Variants in IQSEC1 observed in about 807,000 individuals in gnomAD.
IQSEC1 encodes the protein IQ motif and SEC7 domain-containing protein 1.
IQSEC1 carries 31 observed loss-of-function variants against 91.0 expected under a neutral mutation model. The ratio of observed to expected loss-of-function variants is 0.34; its 90% CI spans 0.26 to 0.46. The LOEUF is 0.46. IQSEC1 is among the 20% of genes least tolerant of loss of function. IQSEC1 has a pLI of 1.00. For missense variants in IQSEC1, 1,388 were observed against 1,575.6 expected, an observed-to-expected ratio of 0.88 and a Z score of 2.02; for synonymous variants, 699 against 662.6, an observed-to-expected ratio of 1.05 and a Z score of -0.84.
intron 1 of IQSEC1, among the ~76,000 whole-genome samples, chr3:13,184,574 C>T (rs971222656): frequency 1.3e-5 from 2 of 152,150 alleles, no homozygotes; most frequent in African/African-American, 2.4e-5. Context: ...CCCTATCTAA[C>T]GTCACCCCAC....
intron 1 of IQSEC1, among the ~76,000 whole-genome samples, chr3:12,965,086 C>G (rs1010414): frequency 0.19 from 29,306 of 152,202 alleles, 4,181 homozygotes; most frequent in East Asian, 0.75. Flanking sequence ...TTGGGGTTCT[C>G]CTGTAGGCTC....
rs375892853 is a variant in IQSEC1, at chr3:13,102,510, T to C, written c.303-54988A>G. Among the ~76,000 whole-genome samples the C allele has an allele frequency of 2.0e-5, 3 of 151,980 alleles. No individual in the cohort carries two copies. In the South Asian group the frequency reaches 6.3e-4, roughly 32 times the overall value. On this transcript the variant is annotated intron_variant, in intron 2 of 15. Coordinates refer to the IQSEC1 transcript ENST00000648114. ...AGCTTCTGTTTGCTCATCTGAGTAA[T>C]AGGCGTGAAAACCTGTGCTTCACGG...
intron 1 of IQSEC1, among the ~76,000 whole-genome samples, chr3:12,988,955 G>C (rs975455415): frequency 6.6e-6 from 1 of 152,234 alleles, no homozygotes; most frequent in Non-Finnish European, 1.5e-5. Flanking sequence ...GAGGATCAGA[G>C]ACAGGAAGGA....
At chr3:13,263,062 A>T (rs868477862) in intron 1 of IQSEC1, among the ~76,000 whole-genome samples, 1 of 152,180 alleles carries the variant, frequency 6.6e-6, no homozygotes, top group African/African-American at 2.4e-5. Context: ...AGCCTGGTAA[A>T]CATGGTGAAA....
chr3:13,093,828 G>A (rs887094895), intron 2 of IQSEC1, among the ~76,000 whole-genome samples: 4 of 152,152 alleles, frequency 2.6e-5, no homozygotes, highest in African/African-American at 9.7e-5. Context: ...CCCCCTGTCC[G>A]TTCTCAGCAC....
At chr3:12,912,729 G>A (rs1695689739) in intron 9 of IQSEC1, among the ~76,000 whole-genome samples, 1 of 151,204 alleles carries the variant, frequency 6.6e-6, no homozygotes, top group Non-Finnish European at 1.5e-5. Flanking sequence ...AAAGCCCGTG[G>A]CATGCAGGGG....
At position 13,160,978 on chromosome 3, in the gene IQSEC1, A is replaced by C. The variant is rs532135241; in HGVS notation, c.302+3126T>G. 2.6e-5 allele frequency among the ~76,000 whole-genome samples: 4 copies of C among 152,356 alleles called. 1 individual carries two copies. The highest frequency in any genetic ancestry group is 9.6e-5 in the African/African-American group (4 of 41,586). On this transcript the variant is annotated intron_variant, in intron 2 of 15. Coordinates refer to the IQSEC1 transcript ENST00000648114. ...TGAAGCATAAAAGGCCACAGAGACA[A>C]CCAGGAGGCCACCCTGTCAGCCCCA...
chr3:13,137,583 C>T lies in IQSEC1; in HGVS notation c.302+26521G>A, dbSNP rs17037764. Among the ~76,000 whole-genome samples, 1,222 of 152,324 alleles carry T rather than the reference C, an allele frequency of 8.0e-3. 25 individuals carry two copies. Among genetic ancestry groups the T allele is most frequent in the African/African-American group, 0.028 (1,177 of 41,572 alleles). On this transcript the variant is annotated intron_variant, in intron 2 of 15. Transcript: ENST00000648114. ...TCTGGGGTAGAAGAAGTCGCAAACA[C>T]ACGGGTGCAAATCATTGGGAATGTT...
intron 1 of IQSEC1, among the ~76,000 whole-genome samples, chr3:12,958,037 G>T (rs1469723526): frequency 6.6e-6 from 1 of 152,224 alleles, no homozygotes; most frequent in African/African-American, 2.4e-5. Context: ...CACAAAGAAA[G>T]TGAGGAGGGG....
At chr3:13,069,061 C>G (rs1026475578) in intron 1 of IQSEC1, among the ~76,000 whole-genome samples, 2 of 152,236 alleles carry the variant, frequency 1.3e-5, no homozygotes, top group African/African-American at 4.8e-5. Flanking sequence ...TGAGTTATAA[C>G]CAGGACCTGC....
chr3:12,905,590 G>A (rs947000103), intron 12 of IQSEC1, among the ~76,000 whole-genome samples: 2 of 152,256 alleles, frequency 1.3e-5, no homozygotes, highest in African/African-American at 2.4e-5. Flanking sequence ...TGGCATCTGC[G>A]TGCTGCACCA....
intron 1 of IQSEC1, among the ~76,000 whole-genome samples, chr3:13,045,657 A>G (rs1207005982): frequency 1.3e-5 from 2 of 152,224 alleles, no homozygotes; most frequent in African/African-American, 4.8e-5. Context: ...TGCATACCAG[A>G]ACTTTCCTGG....
chr3:13,109,026 A>C (rs993528519), intron 2 of IQSEC1, among the ~76,000 whole-genome samples: 1 of 152,222 alleles, frequency 6.6e-6, no homozygotes, highest in Non-Finnish European at 1.5e-5. Flanking sequence ...CCATGGATGC[A>C]TGCGTCCAAA....
intron 1 of IQSEC1, among the ~76,000 whole-genome samples, chr3:13,278,080 C>T (rs1356709692): frequency 1.3e-5 from 2 of 152,164 alleles, no homozygotes; most frequent in African/African-American, 4.8e-5. Flanking sequence ...ACCATGAACC[C>T]GGCAAGAATA....
At chr3:13,260,790 G>T (rs911326217) in intron 1 of IQSEC1, among the ~76,000 whole-genome samples, 1 of 152,234 alleles carries the variant, frequency 6.6e-6, no homozygotes, top group Non-Finnish European at 1.5e-5. Flanking sequence ...AAGCCACATT[G>T]TCCTGGGGCC....
At chr3:13,125,980 A>C (rs2124904066) in intron 2 of IQSEC1, among the ~76,000 whole-genome samples, 1 of 152,242 alleles carries the variant, frequency 6.6e-6, no homozygotes, top group East Asian at 1.9e-4. Flanking sequence ...TAAAAATGAG[A>C]TTTGGTGTTC....
intron 1 of IQSEC1, among the ~76,000 whole-genome samples, chr3:13,201,047 C>G (rs1694235033): frequency 6.6e-6 from 1 of 152,204 alleles, no homozygotes; most frequent in African/African-American, 2.4e-5. Flanking sequence ...CTGCATTCGA[C>G]TCACTTTTGG....
chr3:13,086,862 T>C (rs1310370331), intron 2 of IQSEC1, among the ~76,000 whole-genome samples: 2 of 152,242 alleles, frequency 1.3e-5, no homozygotes, highest in African/African-American at 2.4e-5. Context: ...TTAATTGTTC[T>C]TTCTCAACAT....
rs1172198290 is a variant in IQSEC1 at position 12,900,913 on chromosome 3, G to A, written c.*70C>T. ...AGTGCCCCGGGTTTGGTGTGCGGCT[G>A]GCGACCCCCGGGCGTGCCCTGTGTG... On this transcript the variant is annotated 3_prime_UTR_variant, in exon 14 of 14. Transcript: ENST00000613206. 6.5e-7 allele frequency: 1 copy of A among 1,536,400 alleles called. No individual in the cohort carries two copies. The highest frequency in any genetic ancestry group is 8.7e-7 in the Non-Finnish European group (1 of 1,146,554).
Sources: gnomAD v4.1 joint callset for allele counts (sites outside exome capture counted in the v4.1 genomes callset) on GRCh38, gnomAD v4.1.1 for gene constraint, MANE v1.5 for transcripts, NCBI Gene and HGNC (gene_info 2026-07-23, HGNC 2026-07-21) for gene names.